SLC26A5: variants seen among roughly 807,000 people sequenced by gnomAD.
The protein encoded by SLC26A5 is prestin.
A neutral mutation model predicts 81.0 loss-of-function variants in SLC26A5; 51 were observed. That is an observed-to-expected ratio of 0.63 (90% CI 0.50 to 0.80). SLC26A5 has a LOEUF of 0.80. SLC26A5 is among the 30% of genes least tolerant of loss of function. SLC26A5 has a pLI of 0.00. For missense variants in SLC26A5, 771 were observed against 905.8 expected, an observed-to-expected ratio of 0.85 and a Z score of 1.91; for synonymous variants, 325 against 332.8, an observed-to-expected ratio of 0.98 and a Z score of 0.25.
chr7:103,442,294 C>T (rs557184343), intron 2 of SLC26A5, among the ~76,000 whole-genome samples: 7 of 152,120 alleles, frequency 4.6e-5, no homozygotes, highest in Non-Finnish European at 8.8e-5. Context: ...TGTGCCACCA[C>T]GCCTGGCTAA....
rs368635986 is a variant in SLC26A5, at chr7:103,367,625, C to T, written c.2041+9183G>A. ...CTTGCCCGATCTAGAGGTAAGAAAA[C>T]CATTTCATTTTAGGAAAGGGATTTT... On this transcript the variant is annotated intron_variant, in intron 19 of 19. Coordinates refer to the SLC26A5 transcript ENST00000339444. The surrounding 1 kb of genome is among the most constrained non-coding windows in gnomAD (Gnocchi z 6.1). 24 of 1,612,468 alleles carry T rather than the reference C, an allele frequency of 1.5e-5. No homozygotes were observed. The highest frequency in any genetic ancestry group is 2.0e-5 in the Non-Finnish European group (23 of 1,179,234).
intron 18 of SLC26A5, 41 bp from the exon 19 acceptor site, chr7:103,376,903 T>C (rs2116342795): frequency 4.5e-6 from 6 of 1,343,498 alleles, no homozygotes; most frequent in Non-Finnish European, 6.4e-6. Flanking sequence ...CTCTTTACTC[T>C]GTGCCAGATG....
At chr7:103,360,902 G>T (rs746561680) in intron 19 of SLC26A5, among the ~76,000 whole-genome samples, 2 of 151,784 alleles carry the variant, frequency 1.3e-5, no homozygotes, top group African/African-American at 4.8e-5. Flanking sequence ...ACTTGAGGTC[G>T]GGAGTTTGAA....
At position 103,393,392 on chromosome 7, in the gene SLC26A5, C is replaced by A. The variant is rs73412194; in HGVS notation, c.972-326G>T. Among the ~76,000 whole-genome samples the A allele has an allele frequency of 3.4e-4, 52 of 152,172 alleles. 1 individual carries two copies. The highest frequency in any genetic ancestry group is 1.2e-3 in the African/African-American group (51 of 41,510). On this transcript the variant is annotated intron_variant, in intron 9 of 19. Transcript: ENST00000306312. ...GTAAGACACAGAAACCAGGAAGAAG[C>A]GAGGGTCAGCAAAGTGCTCAGATGC...
intron 19 of SLC26A5, among the ~76,000 whole-genome samples, chr7:103,357,326 C>CA (rs762310758): frequency 0.072 from 5,602 of 77,592 alleles, 122 homozygotes; most frequent in Middle Eastern, 0.15. Flanking sequence ...TACTCTGTCT[C>CA]AAAAAAAAAA....
intron 19 of SLC26A5, chr7:103,361,863 C>G: frequency 8.0e-7 from 1 of 1,252,996 alleles, no homozygotes; most frequent in Non-Finnish European, 1.1e-6. Flanking sequence ...TAGTTTATAC[C>G]TGTATATTGC....
Position 103,377,620 on chromosome 7 carries a change from A to G in SLC26A5, c.1965T>C (p.Val655=). The G allele has an allele frequency of 3.1e-6, 5 of 1,614,168 alleles. No homozygotes were observed. Among genetic ancestry groups the G allele is most frequent in the Non-Finnish European group, 4.2e-6 (5 of 1,180,008 alleles). The change falls in exon 18 of 20, where the codon GTT becomes GTC. Residue 655 remains valine, a synonymous_variant. Transcript: ENST00000306312. The part of the protein sequence containing the change: ...DFTQVNFIDS[V]GVKTLAGIVK... Reference sequence around the variant, plus strand: ...TTACCCCTGCCAGAGTTTTCACTCCAACAGAATCAATAAAATTGACTTGAG... The same window carrying G: ...TTACCCCTGCCAGAGTTTTCACTCCGACAGAATCAATAAAATTGACTTGAG...
In SLC26A5 at chr7:103,390,524, C is replaced by T. The variant is rs1341230396; in HGVS notation, c.1234-18G>A. ...CCTGCAAGCTGAATGAGAGAAGACA[C>T]ATGGAAGGGGCTTTTAGGAGACTTG... is the stretch of plus-strand genomic sequence containing the variant. On this transcript the variant is annotated intron_variant, in intron 11 of 19. Coordinates refer to ENST00000306312, the MANE Select transcript of SLC26A5 (RefSeq NM_198999.3). 1.2e-6 allele frequency: 2 copies of T among 1,609,540 alleles called. No homozygotes were observed. Among genetic ancestry groups the T allele is most frequent in the East Asian group, 4.5e-5 (2 of 44,866 alleles).
In SLC26A5 at chr7:103,386,183, A is replaced by G. The variant is rs377068040; in HGVS notation, c.1514+2825T>C. Among the ~76,000 whole-genome samples the G allele has an allele frequency of 2.1e-4, 32 of 151,996 alleles. 1 individual carries two copies. The highest frequency in any genetic ancestry group is 7.0e-4 in the African/African-American group (29 of 41,466). On this transcript the variant is annotated intron_variant, in intron 14 of 19. Transcript: ENST00000306312. ...TGACCTCAAATGATCCGCTTGCCTC[A>G]GTCTCCCAAAGTGCTTGGATTACAG...
At chr7:103,378,327 GTTTCTAAAC>G (rs1193405485) in intron 17 of SLC26A5, 110 bp downstream of exon 17, 1 of 956,722 alleles carries the variant, frequency 1.0e-6, no homozygotes, top group Non-Finnish European at 1.7e-6. Flanking sequence ...TACTAAGGTG[GTTTCTAAAC>G]TTTCCTCTTT....
At chr7:103,400,006 T>C (rs1485265213) in intron 8 of SLC26A5, among the ~76,000 whole-genome samples, 3 of 152,162 alleles carry the variant, frequency 2.0e-5, no homozygotes, top group East Asian at 3.9e-4. Context: ...GTCTTTGCTA[T>C]TGTGAATAGT....
chr7:103,443,750 T>C (rs1376195974), intron 1 of SLC26A5, among the ~76,000 whole-genome samples: 1 of 152,216 alleles, frequency 6.6e-6, no homozygotes, highest in African/African-American at 2.4e-5. Context: ...TGAAAGTAAA[T>C]TAAGTCATAT....
intron 1 of SLC26A5, among the ~76,000 whole-genome samples, chr7:103,444,418 G>C (rs35080513): frequency 3.3e-5 from 5 of 152,076 alleles, no homozygotes; most frequent in Non-Finnish European, 5.9e-5. Context: ...GATACCAGGG[G>C]GCAACACATG....
intron 2 of SLC26A5, among the ~76,000 whole-genome samples, chr7:103,425,443 T>A (rs1295414141): frequency 6.6e-6 from 1 of 152,168 alleles, no homozygotes; most frequent in East Asian, 1.9e-4. Context: ...GCAGTTCAAG[T>A]TGAGAAGCAC....
At chr7:103,406,985 C>G (rs191201298) in intron 8 of SLC26A5, among the ~76,000 whole-genome samples, 7 of 152,212 alleles carry the variant, frequency 4.6e-5, no homozygotes, top group African/African-American at 1.7e-4. Context: ...GCCGCTCCCA[C>G]ACACGTGCAA....
rs533336061 is a variant in SLC26A5, at chr7:103,395,838, G to A, written c.971+2094C>T. On this transcript the variant is annotated intron_variant, in intron 9 of 19. Coordinates refer to ENST00000306312, the MANE Select transcript of SLC26A5 (RefSeq NM_198999.3). The stretch of plus-strand genomic sequence containing the variant: ...CCGGCCAATAATATGTTTTAAAAAT[G>A]TACAGTTAGATAATATAGATGAAGC... 2.0e-5 allele frequency among the ~76,000 whole-genome samples: 3 copies of A among 152,156 alleles called. No individual in the cohort carries two copies. The East Asian group carries it at 5.8e-4, about 29-fold the overall frequency.
chr7:103,371,978 A>G (rs561461689), downstream of SLC26A5, among the ~76,000 whole-genome samples: 2 of 152,218 alleles, frequency 1.3e-5, no homozygotes, highest in African/African-American at 4.8e-5. Context: ...TACAGGCGTG[A>G]GCCACCGCAC....
rs970916303 is a variant in SLC26A5 at position 103,367,370 on chromosome 7, T to C, written c.2041+9438A>G. 6.3e-7 allele frequency: 1 copy of C among 1,598,388 alleles called. No homozygotes were observed. The highest frequency in any genetic ancestry group is 1.7e-5 in the Admixed American group (1 of 59,964). ...TTTCAGGTCATGCATAGTGCTACTC[T>C]TGAGTGGACTTGAAGAGCTTATCTT... On this transcript the variant is annotated intron_variant, in intron 19 of 19. Coordinates refer to the SLC26A5 transcript ENST00000339444. The surrounding 1 kb of genome is among the most constrained non-coding windows in gnomAD (Gnocchi z 6.1).
chr7:103,362,719 A>G, intron 19 of SLC26A5: 2 of 1,606,358 alleles, frequency 1.2e-6, no homozygotes, highest in Non-Finnish European at 1.7e-6. Flanking sequence ...TTCACATTCC[A>G]TTGCCTCCTA....
Sources: allele counts gnomAD v4.1 joint callset (sites outside exome capture counted in the v4.1 genomes callset), GRCh38; gene constraint gnomAD v4.1.1; non-coding constraint Gnocchi (gnomAD v3.1); transcripts MANE v1.5; gene names NCBI Gene and HGNC (gene_info 2026-07-23, HGNC 2026-07-21).